ZNF814: variants seen among roughly 807,000 people sequenced by gnomAD.
ZNF814 encodes the protein zinc finger protein 814.
In ZNF814, 5 loss-of-function variants were observed where a neutral mutation model predicts 7.5. The ratio of observed to expected loss-of-function variants is 0.67; its 90% confidence interval spans 0.35 to 1.40. ZNF814 has a LOEUF of 1.40. Ranked by LOEUF, ZNF814 falls within the 40% of genes most tolerant of loss-of-function variation. ZNF814 has a pLI of 0.04. For synonymous variants in ZNF814, 315 were observed against 340.7 expected, an observed-to-expected ratio of 0.92 and a Z score of 0.83; for missense variants, 962 against 1,018.0, an observed-to-expected ratio of 0.94 and a Z score of 0.75.
At chr19:57,885,152 C>G (rs769500187) in intron 1 of ZNF814, among the ~76,000 whole-genome samples, 13 of 151,732 alleles carry the variant, frequency 8.6e-5, no homozygotes, top group Non-Finnish European at 1.6e-4. Flanking sequence ...AAATCCCAAT[C>G]TCTACTAAAA....
intron 1 of ZNF814, among the ~76,000 whole-genome samples, chr19:57,887,603 C>T (rs1568522151): frequency 1.3e-5 from 2 of 152,204 alleles, no homozygotes; most frequent in African/African-American, 2.4e-5. Flanking sequence ...TGAATAGACT[C>T]TCGCTTAGCT....
rs1332163994 is a variant in ZNF814 at position 57,870,833 on chromosome 19, AG to A, written c.*1988del. On this transcript the variant is annotated 3_prime_UTR_variant, in exon 3 of 3. Coordinates refer to ENST00000435989, the MANE Select transcript of ZNF814 (RefSeq NM_001144989.2). Reference sequence around the variant, plus strand: ...CATCTCTACTAAAAATACAAAAATTAGCTGGGTGTGGTGGCATGTGCCTGTA... The same window carrying A: ...CATCTCTACTAAAAATACAAAAATTACTGGGTGTGGTGGCATGTGCCTGTA... The A allele has an allele frequency of 6.6e-6, 1 of 152,138 alleles. No homozygotes were observed. Among genetic ancestry groups the A allele is most frequent in the African/African-American group, 2.4e-5 (1 of 41,428 alleles). 9.4% of individuals were successfully genotyped at this position (152,138 alleles called of 1,614,324 possible).
the ZNF814 span, among the ~76,000 whole-genome samples, chr19:57,897,205 C>T: frequency 1.3e-5 from 2 of 152,046 alleles, no homozygotes; most frequent in Admixed American, 1.3e-4. Flanking sequence ...TACAGAGTGT[C>T]AAAATGCTAT....
At chr19:57,892,922 A>T (rs928782614), upstream of ZNF814, among the ~76,000 whole-genome samples, 10 of 152,248 alleles carry the variant, frequency 6.6e-5, no homozygotes, top group African/African-American at 2.4e-4. Context: ...ATGGGGCCCA[A>T]CCAGGGCAAG....
chr19:57,901,124 C>T, the ZNF814 span, among the ~76,000 whole-genome samples: 4 of 151,136 alleles, frequency 2.6e-5, no homozygotes, highest in African/African-American at 9.7e-5. Context: ...GCGTGAGCCA[C>T]CGCGCCCAGC....
Position 57,873,293 on chromosome 19 carries a change from CTTCTTAAA to C in ZNF814, c.2089_2096del (p.Phe697GlufsTer20). On this transcript the variant is annotated frameshift_variant, in exon 3 of 3. Transcript: ENST00000435989. LOFTEE classifies it low-confidence loss of function (END_TRUNC). Reference sequence around the variant, plus strand: ...TCTGGTGTACAAGGAGGTGAGACTTCTTCTTAAATAATTTTCCACATTCCCTACATACA... The same window carrying C: ...TCTGGTGTACAAGGAGGTGAGACTTCTAATTTTCCACATTCCCTACATACA... 1 of 1,591,676 alleles carries C rather than the reference CTTCTTAAA, an allele frequency of 6.3e-7. No individual in the cohort carries two copies. The highest frequency in any genetic ancestry group is 1.1e-5 in the South Asian group (1 of 88,980).
rs369219010 is a variant in ZNF814, at chr19:57,870,979, C to CAAAAAAAAAG, written c.*1833_*1842dup. 1 of 136,944 alleles carries CAAAAAAAAAG rather than the reference C, an allele frequency of 7.3e-6. No individual in the cohort carries two copies. Among genetic ancestry groups the CAAAAAAAAAG allele is most frequent in the Non-Finnish European group, 1.6e-5 (1 of 63,390 alleles). 8.5% of individuals were successfully genotyped at this position (136,944 alleles called of 1,614,324 possible). A position where few individuals can be genotyped will look rare whatever the true frequency, so the allele number is the denominator to read the frequency against. On this transcript the variant is annotated 3_prime_UTR_variant, in exon 3 of 3. Transcript: ENST00000435989. ...TGGGCAACAGGGTGAGGCTCTGCCT[C>CAAAAAAAAAG]AAAAAAAAAGAAAAAAAAAGAAAAA...
At chr19:57,901,609 G>A in the ZNF814 span, 2 of 398,518 alleles carry the variant, frequency 5.0e-6, no homozygotes, top group Admixed American at 8.8e-5. Context: ...ACGAGTGATG[G>A]CATGAATGAA....
At chr19:57,878,067 G>A (rs527937171) in intron 1 of ZNF814, among the ~76,000 whole-genome samples, 5 of 151,042 alleles carry the variant, frequency 3.3e-5, no homozygotes, top group African/African-American at 1.2e-4. Flanking sequence ...TTGGGAGGCT[G>A]AGGCAGGAGA....
In ZNF814 at chr19:57,872,148, C is replaced by G. The variant is rs2071561624; in HGVS notation, c.*674G>C. Among the ~76,000 whole-genome samples the G allele has an allele frequency of 6.6e-6, 1 of 152,172 alleles. No individual in the cohort carries two copies. Among genetic ancestry groups the G allele is most frequent in the Admixed American group, 6.6e-5 (1 of 15,266 alleles). On this transcript the variant is annotated 3_prime_UTR_variant, in exon 3 of 3. Transcript: ENST00000435989. ...GTACCTGGGTATAGTGAAAAATGCA[C>G]TGTAGCTGCCACACACTTGGAACTT... is the stretch of plus-strand genomic sequence containing the variant.
intron 1 of ZNF814, among the ~76,000 whole-genome samples, chr19:57,879,086 G>A (rs1369556001): frequency 1.3e-4 from 19 of 151,112 alleles, no homozygotes; most frequent in Non-Finnish European, 2.2e-4. Context: ...ACACTACATC[G>A]TAGCTGACAC....
Position 57,874,108 on chromosome 19 carries a change from G to A in ZNF814, c.1282C>T (p.Arg428Ter), listed in dbSNP as rs368554326. The change falls in exon 3 of 3, where the codon CGA (arginine) becomes TGA (stop). Residue 428 changes from arginine to a stop codon, truncating the protein, a stop_gained. Coordinates refer to ENST00000435989, the MANE Select transcript of ZNF814 (RefSeq NM_001144989.2). LOFTEE classifies it low-confidence loss of function (END_TRUNC). ...TAAGGTTTTTCTCCAGTGTGAAATC[G>A]CTGATGTTGAATGAGGCTGCTCTTT... is the stretch of plus-strand genomic sequence containing the variant. ...SQKSSLIQHQ[R>*]FHTGEKPYGC... 11 of 1,600,632 alleles carry A rather than the reference G, an allele frequency of 6.9e-6. No individual in the cohort carries two copies. Among genetic ancestry groups the A allele is most frequent in the Admixed American group, 1.8e-5 (1 of 57,128 alleles).
rs1361227953 is a variant in ZNF814 at position 57,873,617 on chromosome 19, A to C, written c.1773T>G (p.Leu591=). Residue 591 remains leucine, a synonymous_variant, in exon 3 of 3, where the codon CTT becomes CTG. Transcript: ENST00000435989. The part of the protein sequence containing the change: ...CGKSFSSIGH[L]RSHQRVHTGE... Reference sequence around the variant, plus strand: ...CAGTATGAACGCGCTGATGGCTCCTAAGGTGCCCGATTGAACTAAAAGATT... The same window carrying C: ...CAGTATGAACGCGCTGATGGCTCCTCAGGTGCCCGATTGAACTAAAAGATT... The C allele has an allele frequency of 2.5e-6, 4 of 1,612,840 alleles. No homozygotes were observed. The South Asian group carries it at 4.4e-5, about 18-fold the overall frequency.
intron 1 of ZNF814, among the ~76,000 whole-genome samples, chr19:57,882,861 T>TGTGAA (rs1285194586): frequency 0.029 from 4,433 of 152,086 alleles, 203 homozygotes; most frequent in African/African-American, 0.1. Flanking sequence ...CTGATGAACA[T>TGTGAA]CTACAAGCAT....
At chr19:57,877,528 C>T (rs1197458175) in intron 1 of ZNF814, among the ~76,000 whole-genome samples, 1 of 152,144 alleles carries the variant, frequency 6.6e-6, no homozygotes, top group South Asian at 2.1e-4. Flanking sequence ...CTGCAACCTC[C>T]ACCTCCTGGG....
At chr19:57,901,836 T>G in the ZNF814 span, 5 of 397,916 alleles carry the variant, frequency 1.3e-5, no homozygotes, top group Non-Finnish European at 2.2e-5. Flanking sequence ...TTATTGGACT[T>G]ATGTCCCATT....
chr19:57,888,198 T>G (rs192620410), intron 1 of ZNF814, among the ~76,000 whole-genome samples: 170 of 152,324 alleles, frequency 1.1e-3, no homozygotes, highest in African/African-American at 3.9e-3. Flanking sequence ...TATACTATTG[T>G]GTATTGTTTG....
At chr19:57,897,112 C>A in the ZNF814 span, among the ~76,000 whole-genome samples, 1 of 152,180 alleles carries the variant, frequency 6.6e-6, no homozygotes, top group Non-Finnish European at 1.5e-5. Flanking sequence ...TATTGCTCAG[C>A]TCCAGGAGGC....
Position 57,876,897 on chromosome 19 carries a change from G to T in ZNF814, c.163+19C>A, listed in dbSNP as rs760522370. 1 of 1,613,950 alleles carries T rather than the reference G, an allele frequency of 6.2e-7. No individual in the cohort carries two copies. The highest frequency in any genetic ancestry group is 2.2e-5 in the East Asian group (1 of 44,878). On this transcript the variant is annotated intron_variant, in intron 2 of 2. Transcript: ENST00000435989. ...AACAGAGACTAGCTCAGGTCACAGG[G>T]TGAGTGTGAGCAACTTACCCAGGGA...
Sources: gnomAD v4.1 joint callset for allele counts (sites outside exome capture counted in the v4.1 genomes callset) on GRCh38, gnomAD v4.1.1 for gene constraint, MANE v1.5 for transcripts, NCBI Gene and HGNC (gene_info 2026-07-23, HGNC 2026-07-21) for gene names.